Variants in ITGA9 observed in about 807,000 individuals in gnomAD.
ITGA9 encodes the protein integrin subunit alpha 9.
ITGA9 carries 56 observed loss-of-function variants against 127.8 expected under a neutral mutation model. That is an observed-to-expected ratio of 0.44 (90% CI 0.35 to 0.55). The LOEUF is 0.55. Among genes scored for constraint, ITGA9 ranks in the 20% least tolerant of loss-of-function variants. The pLI, the probability that ITGA9 is intolerant of heterozygous loss-of-function variation, is 0.00. For missense variants in ITGA9, 1,196 were observed against 1,347.1 expected, an observed-to-expected ratio of 0.89 and a Z score of 1.76; for synonymous variants, 508 against 514.5, an observed-to-expected ratio of 0.99 and a Z score of 0.17.
chr3:37,579,206 T>C (rs1256601629), intron 15 of ITGA9, among the ~76,000 whole-genome samples: 1 of 152,220 alleles, frequency 6.6e-6, no homozygotes, highest in African/African-American at 2.4e-5. Context: ...TCAAATTGCA[T>C]GCAGCAGAAA....
intron 15 of ITGA9, among the ~76,000 whole-genome samples, chr3:37,591,188 TCTC>T (rs1699814636): frequency 6.6e-6 from 1 of 152,172 alleles, no homozygotes; most frequent in Admixed American, 6.5e-5. Context: ...AGGATCCCTT[TCTC>T]CTCATTTTTT....
At chr3:37,667,601 A>G (rs1700598210) in intron 17 of ITGA9, among the ~76,000 whole-genome samples, 1 of 152,222 alleles carries the variant, frequency 6.6e-6, no homozygotes, top group African/African-American at 2.4e-5. Context: ...GCTCAGGCGT[A>G]AGCACAACCC....
chr3:37,605,635 G>A (rs1323929310), intron 15 of ITGA9, among the ~76,000 whole-genome samples: 1 of 152,128 alleles, frequency 6.6e-6, no homozygotes, highest in Non-Finnish European at 1.5e-5. Context: ...TATTCGTAAA[G>A]TCCTCTATAA....
At chr3:37,682,989 C>T (rs1347591876) in intron 17 of ITGA9, among the ~76,000 whole-genome samples, 1 of 152,182 alleles carries the variant, frequency 6.6e-6, no homozygotes, top group African/African-American at 2.4e-5. Context: ...CCAATGCGAG[C>T]CTCCTTTAAA....
At chr3:37,658,675 G>C (rs541205682) in intron 17 of ITGA9, among the ~76,000 whole-genome samples, 1 of 152,176 alleles carries the variant, frequency 6.6e-6, no homozygotes, top group African/African-American at 2.4e-5. Context: ...GGGTCATTTA[G>C]CCCATTTACA....
At chr3:37,798,623 T>TA (rs1399702448) in intron 26 of ITGA9, among the ~76,000 whole-genome samples, 1 of 152,244 alleles carries the variant, frequency 6.6e-6, no homozygotes, top group African/African-American at 2.4e-5. Context: ...CCTATTAACT[T>TA]ACGGAAGGCT....
chr3:37,574,389 G>A (rs1699632527), intron 15 of ITGA9, among the ~76,000 whole-genome samples: 1 of 152,184 alleles, frequency 6.6e-6, no homozygotes, highest in African/African-American at 2.4e-5. Context: ...TCTGACCTTT[G>A]GGTTAGGATC....
chr3:37,699,106 C>G (rs768246907), intron 18 of ITGA9, among the ~76,000 whole-genome samples: 1 of 152,162 alleles, frequency 6.6e-6, no homozygotes. Context: ...TCTTGCCAAC[C>G]TTTCAACATT....
chr3:37,767,128 G>A (rs1696788720), intron 23 of ITGA9, among the ~76,000 whole-genome samples: 1 of 152,212 alleles, frequency 6.6e-6, no homozygotes, highest in African/African-American at 2.4e-5. Flanking sequence ...CAGGGGCATT[G>A]TTTTAGCCAA....
At chr3:37,775,315 T>C (rs1356052393) in intron 23 of ITGA9, among the ~76,000 whole-genome samples, 1 of 152,140 alleles carries the variant, frequency 6.6e-6, no homozygotes, top group African/African-American at 2.4e-5. Flanking sequence ...CACGGTGAGA[T>C]ACCATCTCAT....
At chr3:37,558,125 A>G (rs1230757247) in intron 15 of ITGA9, among the ~76,000 whole-genome samples, 1 of 152,166 alleles carries the variant, frequency 6.6e-6, no homozygotes, top group Non-Finnish European at 1.5e-5. Flanking sequence ...AGGTGGGAGG[A>G]AAGCTCAATG....
At chr3:37,684,121 C>A in intron 18 of ITGA9, 106 bp downstream of exon 18, 1 of 990,414 alleles carries the variant, frequency 1.0e-6, no homozygotes, top group South Asian at 1.3e-5. Context: ...CTAATCCTTT[C>A]TGTGGACTAT....
intron 2 of ITGA9, among the ~76,000 whole-genome samples, chr3:37,471,702 T>A (rs1031528916): frequency 6.6e-6 from 1 of 152,166 alleles, no homozygotes; most frequent in Admixed American, 6.5e-5. Flanking sequence ...GCCACTGAAA[T>A]CAATTTTGGG....
chr3:37,621,560 C>T (rs1700129003), intron 15 of ITGA9, among the ~76,000 whole-genome samples: 1 of 152,178 alleles, frequency 6.6e-6, no homozygotes, highest in East Asian at 1.9e-4. Flanking sequence ...AGTTAACACC[C>T]CAGCCCCCGA....
intron 3 of ITGA9, among the ~76,000 whole-genome samples, chr3:37,477,017 G>T (rs977070074): frequency 6.6e-6 from 1 of 152,152 alleles, no homozygotes; most frequent in Non-Finnish European, 1.5e-5. Flanking sequence ...GAAACATTCT[G>T]TAAAATGTTC....
intron 26 of ITGA9, chr3:37,790,026 T>C (rs1697089460): frequency 5.2e-6 from 3 of 580,000 alleles, no homozygotes; most frequent in Non-Finnish European, 9.6e-6. Context: ...ATTGGTATTC[T>C]TGCGCTATTT....
chr3:37,697,933 TAGTTGAC>T (rs1294819096), intron 18 of ITGA9, among the ~76,000 whole-genome samples: 2 of 152,262 alleles, frequency 1.3e-5, no homozygotes, highest in Admixed American at 6.5e-5. Context: ...ATGGTTGAAC[TAGTTGAC>T]AGTCCCACCA....
At position 37,629,446 on chromosome 3, in the gene ITGA9, GC is replaced by G; in HGVS notation, c.1839+112del. On this transcript the variant is annotated intron_variant, in intron 16 of 27. Transcript: ENST00000264741. This position sits in a 1 kb window ranked among gnomAD's most constrained non-coding sequence, Gnocchi z 4.5. The stretch of plus-strand genomic sequence containing the variant: ...GGGCCTGGCTGCTCAGGAGACCGCA[GC>G]CAGGACACACCTCCTCTCTGGGTCT... The G allele has an allele frequency of 8.7e-7, 1 of 1,148,978 alleles. No homozygotes were observed. The highest frequency in any genetic ancestry group is 1.3e-6 in the Non-Finnish European group (1 of 782,830). 71.2% of individuals were successfully genotyped at this position (1,148,978 alleles called of 1,614,324 possible).
intron 14 of ITGA9, among the ~76,000 whole-genome samples, chr3:37,534,659 T>C (rs1699191029): frequency 6.6e-6 from 1 of 152,112 alleles, no homozygotes; most frequent in African/African-American, 2.4e-5. Flanking sequence ...ATTAAACATA[T>C]TTATTTTATC....
Sources: gnomAD v4.1 joint callset for allele counts (sites outside exome capture counted in the v4.1 genomes callset) on GRCh38, gnomAD v4.1.1 for gene constraint, Gnocchi (gnomAD v3.1) non-coding constraint, MANE v1.5 for transcripts, NCBI Gene and HGNC (gene_info 2026-07-23, HGNC 2026-07-21) for gene names.